TRIM24: variants seen among roughly 807,000 people sequenced by gnomAD.
TRIM24 encodes the protein tripartite motif containing 24.
TRIM24 carries 29 observed loss-of-function variants against 123.9 expected under a neutral mutation model. The observed-to-expected ratio is 0.23, with a 90% confidence interval of 0.17 to 0.32. The LOEUF is 0.32. Ranked by LOEUF, TRIM24 falls within the 10% of genes least tolerant of loss-of-function variation. The probability of loss-of-function intolerance (pLI) is 1.00; values close to 1 mark genes in which losing one functional copy is unlikely to be tolerated. For missense variants in TRIM24, 932 were observed against 1,295.3 expected, an observed-to-expected ratio of 0.72 and a Z score of 4.31; for synonymous variants, 456 against 461.1, an observed-to-expected ratio of 0.99 and a Z score of 0.14.
chr7:138,538,326 TTTTA>T lies in TRIM24; in HGVS notation c.997-327_997-324del, dbSNP rs540252143. On this transcript the variant is annotated intron_variant, in intron 6 of 18. Transcript: ENST00000343526. Reference sequence around the variant, plus strand: ...ATAGGTTTGCTGGACAGTACATCTGTTTTATTTGTGAATGTTGAATTTCATAGAC... The same window carrying T: ...ATAGGTTTGCTGGACAGTACATCTGTTTTGTGAATGTTGAATTTCATAGAC... Among the ~76,000 whole-genome samples, 31 of 152,332 alleles carry T rather than the reference TTTTA, an allele frequency of 2.0e-4. No homozygotes were observed. In the East Asian group the frequency reaches 5.8e-3, roughly 28 times the overall value.
At chr7:138,556,279 G>C (rs1464267567) in intron 9 of TRIM24, 1 of 151,794 alleles carries the variant, frequency 6.6e-6, no homozygotes, top group Non-Finnish European at 1.5e-5. Context: ...AATTTCACTT[G>C]CTTAGAATCA....
intron 10 of TRIM24, among the ~76,000 whole-genome samples, chr7:138,569,666 A>G (rs1746581487): frequency 6.6e-6 from 1 of 152,222 alleles, no homozygotes; most frequent in South Asian, 2.1e-4. Context: ...GAAGACATTC[A>G]TGTCCAACTT....
chr7:138,523,470 T>G (rs1166635196), intron 4 of TRIM24, among the ~76,000 whole-genome samples: 1 of 152,088 alleles, frequency 6.6e-6, no homozygotes, highest in East Asian at 1.9e-4. Flanking sequence ...AAATAGCCCC[T>G]TTTGGCCGGG....
At chr7:138,551,235 T>A in intron 8 of TRIM24, 55 bp downstream of exon 8, 2 of 1,412,616 alleles carry the variant, frequency 1.4e-6, no homozygotes, top group Non-Finnish European at 2.0e-6. Flanking sequence ...TAAAACTCAA[T>A]GATTATGACA....
intron 6 of TRIM24, among the ~76,000 whole-genome samples, chr7:138,529,946 A>G (rs942541319): frequency 9.9e-5 from 15 of 152,214 alleles, no homozygotes; most frequent in African/African-American, 3.6e-4. Context: ...GAGAAAAAAA[A>G]GAATCCTAAT....
intron 1 of TRIM24, among the ~76,000 whole-genome samples, chr7:138,467,273 T>C (rs759302643): frequency 6.6e-5 from 10 of 152,224 alleles, no homozygotes; most frequent in Non-Finnish European, 1.3e-4. Context: ...AAGTCTGTCA[T>C]GGTTTTGATT....
intron 7 of TRIM24, among the ~76,000 whole-genome samples, chr7:138,544,486 A>G (rs1272274853): frequency 6.6e-6 from 1 of 152,210 alleles, no homozygotes; most frequent in Non-Finnish European, 1.5e-5. Flanking sequence ...GGGAGTGTAG[A>G]TATCTCTACA....
intron 9 of TRIM24, 40 bp from the exon 10 acceptor site, chr7:138,567,441 A>G (rs1199327782): frequency 6.4e-7 from 1 of 1,563,844 alleles, no homozygotes; most frequent in African/African-American, 1.4e-5. Context: ...GTTTTTCAGA[A>G]GAAGATTGTT....
chr7:138,561,892 A>G (rs1050417464), intron 9 of TRIM24, among the ~76,000 whole-genome samples: 1 of 152,168 alleles, frequency 6.6e-6, no homozygotes, highest in Non-Finnish European at 1.5e-5. Flanking sequence ...GCTTGGCCAT[A>G]AATGAGAAAT....
chr7:138,561,592 G>T (rs1261733210), intron 9 of TRIM24, among the ~76,000 whole-genome samples: 1 of 152,176 alleles, frequency 6.6e-6, no homozygotes, highest in East Asian at 1.9e-4. Flanking sequence ...TGCTAATAGG[G>T]CTGTGGCAGC....
chr7:138,577,630 G>A (rs1270123864), intron 14 of TRIM24, 42 bp downstream of exon 14: 3 of 1,457,562 alleles, frequency 2.1e-6, no homozygotes, highest in Non-Finnish European at 2.7e-6. Context: ...TGCATGGTGG[G>A]TAGGGTGAGA....
intron 13 of TRIM24, 80 bp downstream of exon 13, chr7:138,576,525 T>TACTC: frequency 8.2e-7 from 1 of 1,214,616 alleles, no homozygotes; most frequent in African/African-American, 1.5e-5. Context: ...CATGTTTTGA[T>TACTC]ACTCAATATA....
Position 138,579,901 on chromosome 7 carries a change from C to T in TRIM24, c.2585+369C>T, listed in dbSNP as rs374759653. Among the ~76,000 whole-genome samples the T allele has an allele frequency of 2.2e-3, 333 of 151,752 alleles. 2 individuals carry two copies. Among genetic ancestry groups the T allele is most frequent in the African/African-American group, 7.6e-3 (314 of 41,370 alleles). The stretch of plus-strand genomic sequence containing the variant: ...TTGCACCACTGCACCCCAGACTGGG[C>T]AACAGAGCAAGACCCTCTCCCTAGT... On this transcript the variant is annotated intron_variant, in intron 15 of 18. Coordinates refer to ENST00000343526, the MANE Select transcript of TRIM24 (RefSeq NM_015905.3).
intron 14 of TRIM24, among the ~76,000 whole-genome samples, chr7:138,578,532 TTGTGTGTGTGTGTGTG>T (rs142839380): frequency 5.0e-4 from 73 of 146,894 alleles, no homozygotes; most frequent in African/African-American, 1.7e-3. Flanking sequence ...GGTGGTGGTT[TTGTGTGTGTGTGTGTG>T]TGTGTGTGTG....
At chr7:138,463,542 A>T (rs926862312) in intron 1 of TRIM24, among the ~76,000 whole-genome samples, 8 of 152,178 alleles carry the variant, frequency 5.3e-5, no homozygotes, top group Non-Finnish European at 8.8e-5. Context: ...TCTTCCATTT[A>T]TATTTTAAAT....
chr7:138,528,211 C>A (rs187429513), intron 5 of TRIM24, among the ~76,000 whole-genome samples: 1 of 152,152 alleles, frequency 6.6e-6, no homozygotes, highest in Non-Finnish European at 1.5e-5. Flanking sequence ...TCATGACTTT[C>A]ACTGAGCTGC....
rs537185702 is a variant in TRIM24 at position 138,483,192 on chromosome 7, T to C, written c.365-21098T>C. Among the ~76,000 whole-genome samples, 94 of 152,308 alleles carry C rather than the reference T, an allele frequency of 6.2e-4. 1 individual carries two copies. The highest frequency in any genetic ancestry group is 2.1e-3 in the South Asian group (10 of 4,828). On this transcript the variant is annotated intron_variant, in intron 1 of 18. Coordinates refer to ENST00000343526, the MANE Select transcript of TRIM24 (RefSeq NM_015905.3). The stretch of plus-strand genomic sequence containing the variant: ...TGCCTACACTCCTCTGGCCTTGGCC[T>C]CCCAAAGTGCTGGGATCCTAGGCAT...
At chr7:138,512,991 A>G (rs1796322246) in intron 2 of TRIM24, among the ~76,000 whole-genome samples, 1 of 152,174 alleles carries the variant, frequency 6.6e-6, no homozygotes, top group Admixed American at 6.5e-5. Context: ...GCCAGATCAC[A>G]TCTTGAACAC....
chr7:138,546,463 C>T (rs1327217941), intron 7 of TRIM24, among the ~76,000 whole-genome samples: 1 of 152,130 alleles, frequency 6.6e-6, no homozygotes, highest in Non-Finnish European at 1.5e-5. Context: ...AACTGGATGG[C>T]TGTGTTGTAA....
Sources: gnomAD v4.1 joint callset for allele counts (sites outside exome capture counted in the v4.1 genomes callset) on GRCh38, gnomAD v4.1.1 for gene constraint, MANE v1.5 for transcripts, NCBI Gene and HGNC (gene_info 2026-07-23, HGNC 2026-07-21) for gene names.